Variants in SEC31A observed in about 807,000 individuals in gnomAD.
SEC31A encodes the protein protein transport protein Sec31A.
In SEC31A, 70 loss-of-function variants were observed where a neutral mutation model predicts 151.0. The ratio of observed to expected loss-of-function variants is 0.46; its 90% confidence interval spans 0.38 to 0.57. SEC31A has a LOEUF of 0.57. Among genes scored for constraint, SEC31A ranks in the 20% least tolerant of loss-of-function variants. The pLI is 0.00. For missense variants in SEC31A, 1,330 were observed against 1,471.2 expected, an observed-to-expected ratio of 0.90 and a Z score of 1.57; for synonymous variants, 475 against 505.9, an observed-to-expected ratio of 0.94 and a Z score of 0.82.
Position 82,861,667 on chromosome 4 carries a change from C to T in SEC31A, c.1590G>A (p.Glu530=), listed in dbSNP as rs142561455. 8.6e-5 allele frequency: 139 copies of T among 1,611,454 alleles called. No homozygotes were observed. In the African/African-American group the frequency reaches 1.4e-3, roughly 16 times the overall value. Residue 530 remains glutamate, a synonymous_variant, in exon 14 of 27, where the codon GAG becomes GAA. Coordinates refer to ENST00000395310, the MANE Select transcript of SEC31A (RefSeq NM_001077207.4). The stretch of plus-strand genomic sequence containing the variant: ...GCTGCTCTTCAGCAGCAGGGCTCTC[C>T]TCCCCATCACTCTGTGCTACTTGGT... ...DSDQVAQSDG[E]ESPAAEEQLL...
Position 82,861,665 on chromosome 4 carries a change from T to G in SEC31A, c.1592A>C (p.Glu531Ala), listed in dbSNP as rs1347245252. Residue 531 changes from glutamate (E) to alanine (A), a missense_variant, in exon 14 of 27, where the codon GAG (glutamate) becomes GCG (alanine). Coordinates refer to ENST00000395310, the MANE Select transcript of SEC31A (RefSeq NM_001077207.4). ...SDQVAQSDGE[E>A]SPAAEEQLLG... ...GAGCTGCTCTTCAGCAGCAGGGCTCTCCTCCCCATCACTCTGTGCTACTTG... is the reference window on the plus strand; with the variant it reads ...GAGCTGCTCTTCAGCAGCAGGGCTCGCCTCCCCATCACTCTGTGCTACTTG... 1 of 1,611,182 alleles carries G rather than the reference T, an allele frequency of 6.2e-7. No individual in the cohort carries two copies. The highest frequency in any genetic ancestry group is 8.5e-7 in the Non-Finnish European group (1 of 1,178,110).
In SEC31A at chr4:82,824,397, G is replaced by T. The variant is rs972626618; in HGVS notation, c.3411+158C>A. Among the ~76,000 whole-genome samples the T allele has an allele frequency of 3.3e-5, 5 of 152,042 alleles. No individual in the cohort carries two copies. The South Asian group carries it at 6.2e-4, about 19-fold the overall frequency. On this transcript the variant is annotated intron_variant, in intron 25 of 26. Transcript: ENST00000395310. ...TTTTTGTATTTGTAGTAGAGACGGG[G>T]TTTTGCTATGTTGGCCAGGATGGTC...
At chr4:82,861,451 G>T (rs1734098341) in intron 14 of SEC31A, among the ~76,000 whole-genome samples, 180 bp downstream of exon 14, 1 of 152,314 alleles carries the variant, frequency 6.6e-6, no homozygotes, top group South Asian at 2.1e-4. Flanking sequence ...GAGAACTAGA[G>T]TCTGGAGATG....
intron 22 of SEC31A, among the ~76,000 whole-genome samples, chr4:82,832,163 CA>C (rs1482617608): frequency 6.6e-6 from 1 of 152,158 alleles, no homozygotes; most frequent in Admixed American, 6.6e-5. Flanking sequence ...AACATTACTA[CA>C]AGGCTACAGT....
At chr4:82,894,170 C>G (rs1719957547), upstream of SEC31A, 1 of 152,204 alleles carries the variant, frequency 6.6e-6, no homozygotes, top group Non-Finnish European at 1.5e-5. Flanking sequence ...TACAGAAAGT[C>G]AACAAGCAAA....
chr4:82,891,377 C>G (rs1441807047), upstream of SEC31A: 4 of 607,666 alleles, frequency 6.6e-6, no homozygotes, highest in Non-Finnish European at 1.2e-5. Flanking sequence ...CCCCGGCGAT[C>G]GTAGAAACCC....
intron 19 of SEC31A, among the ~76,000 whole-genome samples, chr4:82,850,974 G>A (rs1015756947): frequency 1.3e-5 from 2 of 152,256 alleles, no homozygotes; most frequent in Middle Eastern, 3.4e-3. Context: ...CTTGCCCACA[G>A]ACAGTATCAA....
rs1170810544 is a variant in SEC31A, at chr4:82,857,691, C to T, written c.1700G>A (p.Gly567Glu). 1 of 1,567,984 alleles carries T rather than the reference C, an allele frequency of 6.4e-7. No homozygotes were observed. Among genetic ancestry groups the T allele is most frequent in the South Asian group, 1.1e-5 (1 of 89,388 alleles). The change falls in exon 15 of 27, where the codon GGG becomes GAG. Residue 567 changes from glycine (G) to glutamate (E), a missense_variant and splice_region_variant. Coordinates refer to ENST00000395310, the MANE Select transcript of SEC31A (RefSeq NM_001077207.4). Reference sequence around the variant, plus strand: ...AATCAAAACCAACAAGTACTTACCCCCACTGACAGAGATATTAAATGTTCC... The same window carrying T: ...AATCAAAACCAACAAGTACTTACCCTCACTGACAGAGATATTAAATGTTCC... ...SGGTFNISVSGDIDGLITQAL... is the reference protein window; with the variant it reads ...SGGTFNISVSEDIDGLITQAL...
At chr4:82,882,013 A>G in intron 1 of SEC31A, 73 bp from the exon 2 acceptor site, 8 of 1,164,818 alleles carry the variant, frequency 6.9e-6, no homozygotes, top group Non-Finnish European at 1.0e-5. Context: ...GATATTTTAA[A>G]TAGAAACATA....
intron 23 of SEC31A, among the ~76,000 whole-genome samples, chr4:82,827,840 G>A (rs535744908): frequency 3.6e-4 from 54 of 151,772 alleles, no homozygotes; most frequent in Non-Finnish European, 7.2e-4. Flanking sequence ...AAGAGGGATA[G>A]GGAGCTCAAA....
chr4:82,891,093 G>T lies in SEC31A; in HGVS notation c.-10C>A. 6.5e-7 allele frequency: 1 copy of T among 1,535,950 alleles called. No homozygotes were observed. Among genetic ancestry groups the T allele is most frequent in the Non-Finnish European group, 8.7e-7 (1 of 1,146,778 alleles). ...AAAGCAACGGGCGGACGCACCTGGC[G>T]AGGACCTTCGGCAGCCGGATCCTGC... On this transcript the variant is annotated 5_prime_UTR_variant, in exon 1 of 27. The change creates a premature stop within an existing upstream ORF in the 5' untranslated region. Coordinates refer to ENST00000395310, the MANE Select transcript of SEC31A (RefSeq NM_001077207.4).
intron 22 of SEC31A, among the ~76,000 whole-genome samples, chr4:82,840,111 G>A (rs72927465): frequency 0.021 from 3,242 of 152,184 alleles, 124 homozygotes; most frequent in African/African-American, 0.074. Flanking sequence ...GTGCAATCCT[G>A]AAACATAACT....
At chr4:82,891,011 G>T (rs1419263162) in intron 1 of SEC31A, 77 bp downstream of exon 1, 4 of 1,523,770 alleles carry the variant, frequency 2.6e-6, no homozygotes, top group Non-Finnish European at 3.5e-6. Flanking sequence ...CCCAGGCTGC[G>T]GTCCCAGTTT....
intron 22 of SEC31A, among the ~76,000 whole-genome samples, chr4:82,839,546 A>C (rs556176154): frequency 6.6e-6 from 1 of 152,356 alleles, no homozygotes; most frequent in East Asian, 1.9e-4. Flanking sequence ...TCGGCCTCCC[A>C]AAGTGGCAGG....
intron 6 of SEC31A, among the ~76,000 whole-genome samples, chr4:82,873,911 T>G (rs1457099997): frequency 1.3e-5 from 2 of 152,156 alleles, no homozygotes; most frequent in Non-Finnish European, 2.9e-5. Context: ...GAGGAAGAGA[T>G]GAGGCCAAGA....
chr4:82,832,716 C>A (rs1310989921), intron 22 of SEC31A, among the ~76,000 whole-genome samples: 2 of 152,114 alleles, frequency 1.3e-5, no homozygotes, highest in Non-Finnish European at 1.5e-5. Context: ...AAGAAAAAAG[C>A]AAACAACCCC....
At chr4:82,851,638 T>A in intron 18 of SEC31A, 34 bp from the exon 19 acceptor site, 1 of 1,561,988 alleles carries the variant, frequency 6.4e-7, no homozygotes, top group Non-Finnish European at 8.8e-7. Context: ...AACAGAAATA[T>A]CAAGACCATG....
At chr4:82,832,949 T>A (rs560617163) in intron 22 of SEC31A, among the ~76,000 whole-genome samples, 4 of 152,352 alleles carry the variant, frequency 2.6e-5, no homozygotes, top group African/African-American at 9.6e-5. Flanking sequence ...GCTTTTACAC[T>A]GTTGGTGGGA....
intron 24 of SEC31A, among the ~76,000 whole-genome samples, chr4:82,825,051 T>C (rs1403086506): frequency 6.6e-6 from 1 of 152,242 alleles, no homozygotes; most frequent in African/African-American, 2.4e-5. Flanking sequence ...GCTCTGCCTA[T>C]TGGCTCATTT....
Sources: gnomAD v4.1 joint callset for allele counts (sites outside exome capture counted in the v4.1 genomes callset) on GRCh38, gnomAD v4.1.1 for gene constraint, MANE v1.5 for transcripts, NCBI Gene and HGNC (gene_info 2026-07-23, HGNC 2026-07-21) for gene names.